Variants in MATN2 observed in about 807,000 individuals in gnomAD.
MATN2 encodes matrilin-2.
Under a neutral mutation model 103.2 loss-of-function variants are expected in MATN2, and 69 were observed. The ratio of observed to expected loss-of-function variants is 0.67; its 90% confidence interval spans 0.55 to 0.82. The LOEUF is 0.82. Among genes scored for constraint, MATN2 ranks in the 40% least tolerant of loss-of-function variants. MATN2 has a pLI of 0.00. For missense variants in MATN2, 1,023 were observed against 1,211.5 expected (o/e 0.84, Z 2.31); for synonymous variants, 429 against 450.2 (o/e 0.95, Z 0.60).
chr8:97,941,992 C>T, intron 4 of MATN2, 93 bp downstream of exon 4: 5 of 1,449,634 alleles, frequency 3.4e-6, no homozygotes, highest in Admixed American at 1.8e-5. Context: ...ATCTGTGATG[C>T]CTCACCCACC....
chr8:97,994,478 A>G lies in MATN2; in HGVS notation c.1082-2A>G. The G allele has an allele frequency of 3.7e-6, 6 of 1,601,010 alleles. No homozygotes were observed. The highest frequency in any genetic ancestry group is 5.1e-6 in the Non-Finnish European group (6 of 1,175,898). ...ATTCTTGTGATTTTTCCTTCTTGCC[A>G]GAGATAGACTACTGTGCCTCATCTA... On this transcript the variant is annotated splice_acceptor_variant, in intron 6 of 18. Transcript: ENST00000254898. LOFTEE classifies it high-confidence loss of function.
intron 1 of MATN2, among the ~76,000 whole-genome samples, chr8:97,880,083 C>CT (rs5893432): frequency 9.2e-6 from 1 of 108,632 alleles, no homozygotes; most frequent in Non-Finnish European, 2.0e-5. Flanking sequence ...ATCTTTCTTT[C>CT]TTTTTTTTTT....
intron 7 of MATN2, 53 bp downstream of exon 7, chr8:97,994,655 G>A: frequency 6.4e-7 from 1 of 1,568,088 alleles, no homozygotes; most frequent in Non-Finnish European, 8.6e-7. Flanking sequence ...TGCTCCTCTA[G>A]TTAGTTTTCC....
At chr8:97,947,738 A>AT (rs1164756681) in intron 4 of MATN2, among the ~76,000 whole-genome samples, 2 of 152,180 alleles carry the variant, frequency 1.3e-5, no homozygotes, top group African/African-American at 4.8e-5. Flanking sequence ...TAGCAGACCT[A>AT]TTTTTTTAGA....
At chr8:97,962,693 C>T (rs1416384381) in intron 5 of MATN2, among the ~76,000 whole-genome samples, 1 of 152,186 alleles carries the variant, frequency 6.6e-6, no homozygotes, top group African/African-American at 2.4e-5. Context: ...AAGAAGCCAA[C>T]ATATATACCC....
At chr8:97,896,990 A>G (rs1235339356) in intron 2 of MATN2, among the ~76,000 whole-genome samples, 1 of 151,998 alleles carries the variant, frequency 6.6e-6, no homozygotes, top group Non-Finnish European at 1.5e-5. Flanking sequence ...AGGGCTGGGC[A>G]GTGGGATCAG....
chr8:97,942,746 T>A (rs972695863), intron 4 of MATN2, among the ~76,000 whole-genome samples: 1 of 152,240 alleles, frequency 6.6e-6, no homozygotes, highest in African/African-American at 2.4e-5. Flanking sequence ...ATAATTGTTG[T>A]TATACCTCAT....
At chr8:97,930,022 C>G (rs1454541884) in intron 2 of MATN2, among the ~76,000 whole-genome samples, 1 of 152,216 alleles carries the variant, frequency 6.6e-6, no homozygotes, top group Non-Finnish European at 1.5e-5. Flanking sequence ...AAGGTCTCAT[C>G]ACTTATTCTG....
intron 13 of MATN2, among the ~76,000 whole-genome samples, chr8:98,022,769 T>C (rs1255241005): frequency 1.3e-5 from 2 of 152,188 alleles, no homozygotes; most frequent in African/African-American, 4.8e-5. Context: ...CCCTGATTCA[T>C]ACTACCCGTG....
chr8:98,030,485 G>A lies in MATN2; in HGVS notation c.2380G>A (p.Val794Ile). The change falls in exon 15 of 19, where the codon GTA becomes ATA. Residue 794 changes from valine (V) to isoleucine (I), a missense_variant. Physicochemically the swap from Val to Ile is conservative, Grantham distance 29 (BLOSUM62 3). Coordinates refer to ENST00000254898, the MANE Select transcript of MATN2 (RefSeq NM_002380.5). ...ANGITMYAVG[V>I]GKAIEEELQE... ...AGGTATCACTATGTATGCTGTTGGGGTAGGAAAAGCCATTGAGGAGGAACT... is the reference window on the plus strand; with the variant it reads ...AGGTATCACTATGTATGCTGTTGGGATAGGAAAAGCCATTGAGGAGGAACT... 6.2e-7 allele frequency: 1 copy of A among 1,613,718 alleles called. No individual in the cohort carries two copies. Among genetic ancestry groups the A allele is most frequent in the Non-Finnish European group, 8.5e-7 (1 of 1,179,790 alleles).
At position 97,932,786 on chromosome 8, in the gene MATN2, C is replaced by T. The variant is rs2130149852; in HGVS notation, c.712+1264C>T. On this transcript the variant is annotated intron_variant, in intron 3 of 18. Transcript: ENST00000254898. ...CTTGTCCATTCCCAGTGGTCCCTGT[C>T]CCCTCCAGCTACCATGAATCTTTGG... Among the ~76,000 whole-genome samples, 4 of 152,330 alleles carry T rather than the reference C, an allele frequency of 2.6e-5. No individual in the cohort carries two copies. In the Middle Eastern group the frequency reaches 0.01, roughly 389 times the overall value.
chr8:97,989,235 C>T (rs969365378), intron 6 of MATN2, among the ~76,000 whole-genome samples: 4 of 152,064 alleles, frequency 2.6e-5, no homozygotes, highest in South Asian at 2.1e-4. Context: ...TTTGGGAGGC[C>T]GAGGCGGGCG....
chr8:97,907,483 T>A (rs929668617), intron 2 of MATN2, among the ~76,000 whole-genome samples: 1 of 151,210 alleles, frequency 6.6e-6, no homozygotes, highest in African/African-American at 2.4e-5. Flanking sequence ...GGCTAATTTT[T>A]TTTTTTTTTT....
Position 98,007,703 on chromosome 8 carries a change from G to A in MATN2, c.1573+102G>A. The A allele has an allele frequency of 7.3e-7, 1 of 1,361,170 alleles. No homozygotes were observed. The highest frequency in any genetic ancestry group is 1.4e-5 in the South Asian group (1 of 71,184). The allele number at this position is 1,361,170 out of a possible 1,614,324, so 84.3% of individuals were successfully genotyped here. A position where few individuals can be genotyped will look rare whatever the true frequency, so the allele number is the denominator to read the frequency against. ...ATGTGCCTGTGTGTCCTGTCTCCAG[G>A]CTTTGCTGGGCCTGCATGAATGTGT... On this transcript the variant is annotated intron_variant, in intron 10 of 18. Transcript: ENST00000254898. The surrounding 1 kb of genome is among the most constrained non-coding windows in gnomAD (Gnocchi z 4.2).
chr8:97,983,128 A>G (rs1812080920), intron 6 of MATN2, among the ~76,000 whole-genome samples: 1 of 152,216 alleles, frequency 6.6e-6, no homozygotes, highest in Non-Finnish European at 1.5e-5. Flanking sequence ...AAGTGGGATT[A>G]TATGGTATTT....
intron 10 of MATN2, among the ~76,000 whole-genome samples, chr8:98,012,720 C>T (rs1813214068): frequency 6.6e-6 from 1 of 152,168 alleles, no homozygotes; most frequent in African/African-American, 2.4e-5. Context: ...CCTCAGCACA[C>T]TCCCTTAAGC....
At chr8:98,033,812 C>T (rs2279120) in intron 18 of MATN2, 153 bp downstream of exon 18, 80,580 of 601,050 alleles carry the variant, frequency 0.13, 6,336 homozygotes, top group Middle Eastern at 0.18. Flanking sequence ...TAAAAAGCAG[C>T]CTCACAGGTG....
chr8:97,907,643 T>C (rs1414963161), intron 2 of MATN2, among the ~76,000 whole-genome samples: 2 of 152,082 alleles, frequency 1.3e-5, no homozygotes, highest in East Asian at 3.9e-4. Context: ...TTTAATGAGT[T>C]TTAATTCTAG....
intron 5 of MATN2, among the ~76,000 whole-genome samples, chr8:97,972,231 G>A (rs1396275735): frequency 6.6e-6 from 1 of 151,638 alleles, no homozygotes; most frequent in Admixed American, 6.6e-5. Context: ...CCAGCTACTT[G>A]GGAGGCTGAG....
Sources: gnomAD v4.1 joint callset for allele counts (sites outside exome capture counted in the v4.1 genomes callset) on GRCh38, gnomAD v4.1.1 for gene constraint, Gnocchi (gnomAD v3.1) non-coding constraint, MANE v1.5 for transcripts, NCBI Gene and HGNC (gene_info 2026-07-23, HGNC 2026-07-21) for gene names.